The following PHF12 variants were observed in gnomAD, a reference collection of about 807,000 sequenced individuals.
PHF12 encodes the protein PHD finger protein 12.
In PHF12, 6 loss-of-function variants were observed where a neutral mutation model predicts 99.8. The ratio of observed to expected loss-of-function variants is 0.06; its 90% CI spans 0.03 to 0.12. The LOEUF is 0.12. Ranked by LOEUF, PHF12 falls within the 10% of genes least tolerant of loss-of-function variation. The pLI is 1.00. For synonymous variants in PHF12, 480 were observed against 514.9 expected (o/e 0.93, Z 0.92); for missense variants, 954 against 1,300.1 (o/e 0.73, Z 4.09).
At chr17:28,916,723 C>T (rs1211965016) in intron 7 of PHF12, among the ~76,000 whole-genome samples, 1 of 152,230 alleles carries the variant, frequency 6.6e-6, no homozygotes, top group Admixed American at 6.5e-5. Flanking sequence ...TTCTGTCAAT[C>T]TCTGTAAACA....
chr17:28,915,051 C>T (rs1223970764), intron 7 of PHF12, among the ~76,000 whole-genome samples: 1 of 152,166 alleles, frequency 6.6e-6, no homozygotes, highest in Non-Finnish European at 1.5e-5. Flanking sequence ...AGAAGCATGT[C>T]TAAGGTGCTA....
chr17:28,929,066 A>G (rs1233452686), intron 2 of PHF12, among the ~76,000 whole-genome samples: 2 of 151,582 alleles, frequency 1.3e-5, no homozygotes, highest in South Asian at 4.2e-4. Flanking sequence ...ACTGCACTCC[A>G]GCCTGGGCGA....
chr17:28,933,476 T>A (rs2040452085), intron 2 of PHF12, among the ~76,000 whole-genome samples: 1 of 152,214 alleles, frequency 6.6e-6, no homozygotes, highest in African/African-American at 2.4e-5. Flanking sequence ...CTCTTTGAAA[T>A]CTTGAGCCTA....
At chr17:28,923,046 C>CA (rs571734249) in intron 4 of PHF12, among the ~76,000 whole-genome samples, 18,077 of 129,148 alleles carry the variant, frequency 0.14, 1,087 homozygotes, top group Middle Eastern at 0.16. Flanking sequence ...GCCTCTGTCT[C>CA]AAAAAAAAAA....
At chr17:28,918,998 A>G in intron 6 of PHF12, 145 bp downstream of exon 6, 1 of 1,004,622 alleles carries the variant, frequency 1.0e-6, no homozygotes, top group Non-Finnish European at 1.4e-6. Context: ...CAAAATGATC[A>G]GAATTGAGTA....
chr17:28,913,838 A>G, intron 8 of PHF12, 41 bp downstream of exon 8: 1 of 1,573,186 alleles, frequency 6.4e-7, no homozygotes, highest in Non-Finnish European at 8.7e-7. Context: ...GTGACACAGA[A>G]GGAAGGTTGG....
chr17:28,926,940 A>G, intron 3 of PHF12, 51 bp downstream of exon 3: 1 of 1,609,342 alleles, frequency 6.2e-7, no homozygotes, highest in East Asian at 2.2e-5. Context: ...CTAGCATATC[A>G]GTGCTCTGGA....
intron 8 of PHF12, 24 bp from the exon 9 acceptor site, chr17:28,913,301 G>T: frequency 3.2e-6 from 5 of 1,577,944 alleles, no homozygotes; most frequent in South Asian, 2.3e-5. Context: ...AGAGGAGAGG[G>T]GGGTGAGAAG....
intron 7 of PHF12, 84 bp downstream of exon 7, chr17:28,917,201 C>A: frequency 6.3e-7 from 1 of 1,581,648 alleles, no homozygotes; most frequent in Non-Finnish European, 8.7e-7. Flanking sequence ...AGTTTCCCTG[C>A]CTGTAAAATT....
intron 11 of PHF12, chr17:28,910,006 A>G: frequency 1.4e-6 from 1 of 707,440 alleles, no homozygotes; most frequent in Non-Finnish European, 2.5e-6. Context: ...TATATGAAAG[A>G]AAGTTACAGC....
chr17:28,923,651 C>CAA lies in PHF12; in HGVS notation c.715+257_715+258insTT, dbSNP rs1491183033. ...CTAGCCTGAGTGACAAAGTGAGACT[C>CAA]ACAAAAAAAAAAAAAAAAAAAAAAG... On this transcript the variant is annotated intron_variant, in intron 4 of 14. Transcript: ENST00000332830. 4.1e-3 allele frequency among the ~76,000 whole-genome samples: 89 copies of CAA among 21,930 alleles called. 4 individuals carry two copies. Among genetic ancestry groups the CAA allele is most frequent in the Admixed American group, 5.3e-3 (8 of 1,512 alleles). 14.4% of individuals were successfully genotyped at this position (21,930 alleles called of 152,430 possible).
chr17:28,938,214 C>T (rs2040543211), intron 2 of PHF12, among the ~76,000 whole-genome samples: 1 of 152,150 alleles, frequency 6.6e-6, no homozygotes, highest in Non-Finnish European at 1.5e-5. Flanking sequence ...TAAAACCCAA[C>T]AAAATCAAGA....
Position 28,950,322 on chromosome 17 carries a change from T to A in PHF12, c.67-76A>T, listed in dbSNP as rs192834752. ...TCCGTCGCCCCCCCGGCGCGGTTTCTCCGTCACCCACCCCTCTCCCCCCTT... is the reference window on the plus strand; with the variant it reads ...TCCGTCGCCCCCCCGGCGCGGTTTCACCGTCACCCACCCCTCTCCCCCCTT... On this transcript the variant is annotated intron_variant, in intron 1 of 14. Coordinates refer to ENST00000332830, the MANE Select transcript of PHF12 (RefSeq NM_001033561.2). The surrounding 1 kb of genome is among the most constrained non-coding windows in gnomAD (Gnocchi z 5.7). The A allele has an allele frequency of 1.9e-3, 2,824 of 1,453,044 alleles. 70 individuals carry two copies. In the Admixed American group the frequency reaches 0.039, roughly 20 times the overall value. The allele number at this position is 1,453,044 out of a possible 1,614,324, so 90.0% of individuals were successfully genotyped here. A position where few individuals can be genotyped will look rare whatever the true frequency, so the allele number is the denominator to read the frequency against.
At chr17:28,926,895 G>A (rs2040286161) in intron 3 of PHF12, 96 bp downstream of exon 3, 2 of 1,598,582 alleles carry the variant, frequency 1.3e-6, no homozygotes, top group East Asian at 2.2e-5. Flanking sequence ...AAGAAGAAGG[G>A]ACAAGAATGC....
At position 28,906,792 on chromosome 17, in the gene PHF12, G is replaced by A; in HGVS notation, c.2680+64C>T. The A allele has an allele frequency of 1.3e-6, 2 of 1,528,968 alleles. No homozygotes were observed. The highest frequency in any genetic ancestry group is 1.8e-6 in the Non-Finnish European group (2 of 1,131,718). The allele number at this position is 1,528,968 out of a possible 1,614,324, so 94.7% of individuals were successfully genotyped here. On this transcript the variant is annotated intron_variant, in intron 14 of 14. Coordinates refer to ENST00000332830, the MANE Select transcript of PHF12 (RefSeq NM_001033561.2). The surrounding 1 kb of genome is among the most constrained non-coding windows in gnomAD (Gnocchi z 4.2). ...GAAGGCAAGAGACAGACCATGGGCA[G>A]CAAGTCAGAACCACCCTGACTGGGG...
chr17:28,908,965 G>A (rs1242468729), intron 11 of PHF12, 84 bp from the exon 12 acceptor site: 8 of 1,283,042 alleles, frequency 6.2e-6, no homozygotes, highest in African/African-American at 1.5e-5. Flanking sequence ...TGGACCTTTG[G>A]CTCATGGCCT....
intron 3 of PHF12, 23 bp from the exon 4 acceptor site, chr17:28,924,325 C>A: frequency 6.2e-7 from 1 of 1,613,896 alleles, no homozygotes; most frequent in Non-Finnish European, 8.5e-7. Context: ...ACAGGTGGGC[C>A]CATCATGAAA....
At chr17:28,947,926 C>A (rs2040746846) in intron 2 of PHF12, among the ~76,000 whole-genome samples, 1 of 152,032 alleles carries the variant, frequency 6.6e-6, no homozygotes, top group African/African-American at 2.4e-5. Context: ...ACAGTCTGGG[C>A]AAGTCTGAAT....
chr17:28,947,940 A>G (rs1020107451), intron 2 of PHF12, among the ~76,000 whole-genome samples: 5 of 152,146 alleles, frequency 3.3e-5, no homozygotes, highest in Admixed American at 1.3e-4. Flanking sequence ...TCTGAATCTC[A>G]CCAACAGCTA....
Sources: gnomAD v4.1 joint callset for allele counts (sites outside exome capture counted in the v4.1 genomes callset) on GRCh38, gnomAD v4.1.1 for gene constraint, Gnocchi (gnomAD v3.1) non-coding constraint, MANE v1.5 for transcripts, NCBI Gene and HGNC (gene_info 2026-07-23, HGNC 2026-07-21) for gene names.